NDP: variants seen among roughly 807,000 people sequenced by gnomAD.
NDP encodes the protein norrin.
In NDP, 2 loss-of-function variants were observed where a neutral mutation model predicts 8.4. The observed-to-expected ratio is 0.24, with a 90% CI of 0.10 to 0.75. The LOEUF is 0.75. Ranked by LOEUF, NDP falls within the 30% of genes least tolerant of loss-of-function variation. NDP has a pLI of 0.73. For synonymous variants in NDP, 55 were observed against 45.6 expected (o/e 1.21, Z -0.83); for missense variants, 81 against 110.1 (o/e 0.74, Z 1.18).
chrX:43,965,810 A>G (rs2147212961), intron 1 of NDP, among the ~76,000 whole-genome samples: 1 of 111,910 alleles, frequency 8.9e-6, no homozygotes, highest in South Asian at 3.8e-4. Context: ...CTTGGGGTCA[A>G]GAGCGAGGCC....
intron 1 of NDP, among the ~76,000 whole-genome samples, chrX:43,971,886 A>C (rs1263954340): frequency 1.8e-5 from 2 of 112,011 alleles, no homozygotes; most frequent in Admixed American, 9.5e-5. Flanking sequence ...TTTGCAATGA[A>C]AACTGGCAAA....
intron 1 of NDP, among the ~76,000 whole-genome samples, chrX:43,972,223 A>G (rs780697982): frequency 9.0e-6 from 1 of 111,699 alleles, no homozygotes; most frequent in South Asian, 3.8e-4. Flanking sequence ...ATCTTGCCAA[A>G]TAGCTTCCTT....
rs770180651 is a variant in NDP at position 43,960,983 on chromosome X, T to C, written c.-207-2131A>G. 4.5e-5 allele frequency: 5 copies of C among 112,229 alleles called. No homozygotes were observed. The East Asian group carries it at 8.4e-4, about 19-fold the overall frequency. The allele number at this position is 112,229 out of a possible 1,213,427, so 9.2% of individuals were successfully genotyped here. The stretch of plus-strand genomic sequence containing the variant: ...TACATCAATAACAAAACCCTATACA[T>C]GTGTATGCATCGTTGTATTTATTGG... On this transcript the variant is annotated intron_variant, in intron 1 of 2. Coordinates refer to ENST00000642620, the MANE Select transcript of NDP (RefSeq NM_000266.4).
intron 1 of NDP, among the ~76,000 whole-genome samples, chrX:43,962,636 G>A (rs920594343): frequency 1.8e-5 from 2 of 111,595 alleles, no homozygotes; most frequent in Non-Finnish European, 3.8e-5. Flanking sequence ...TAGAACCTTG[G>A]CCCAGGCAAT....
At chrX:43,955,635 C>A (rs1465839945) in intron 2 of NDP, among the ~76,000 whole-genome samples, 1 of 112,466 alleles carries the variant, frequency 8.9e-6, no homozygotes, top group Non-Finnish European at 1.9e-5. Flanking sequence ...ACCTGCTACT[C>A]CCAGGATCTT....
intron 2 of NDP, among the ~76,000 whole-genome samples, chrX:43,954,886 C>T (rs2035783624): frequency 9.0e-6 from 1 of 111,272 alleles, no homozygotes; most frequent in Admixed American, 9.5e-5. Context: ...GGGCCAGCAT[C>T]CCCCACTCCT....
intron 1 of NDP, among the ~76,000 whole-genome samples, chrX:43,972,902 C>T (rs1219981032): frequency 8.9e-6 from 1 of 112,722 alleles, no homozygotes; most frequent in East Asian, 2.8e-4. Context: ...GTTAATAGTG[C>T]CCCCATTGTA....
rs1006878005 is a variant in NDP, at chrX:43,949,481, A to G, written c.*318T>C. 2.3e-5 allele frequency: 7 copies of G among 308,160 alleles called. No homozygotes were observed. Among genetic ancestry groups the G allele is most frequent in the Non-Finnish European group, 4.1e-5 (7 of 172,310 alleles). The allele number at this position is 308,160 out of a possible 1,213,427, so 25.4% of individuals were successfully genotyped here. A position where few individuals can be genotyped will look rare whatever the true frequency, so the allele number is the denominator to read the frequency against. Reference sequence around the variant, plus strand: ...CACTGACAGCCTGACACGCTTGTGTATGAGGGCCCACTTTTTCCCACTAAT... The same window carrying G: ...CACTGACAGCCTGACACGCTTGTGTGTGAGGGCCCACTTTTTCCCACTAAT... On this transcript the variant is annotated 3_prime_UTR_variant, in exon 3 of 3. Transcript: ENST00000642620.
intron 2 of NDP, 69 bp downstream of exon 2, chrX:43,958,403 T>C (rs1569245579): frequency 1.7e-6 from 2 of 1,145,808 alleles, no homozygotes; most frequent in East Asian, 3.0e-5. Context: ...CTCCATCCCC[T>C]GACAAAGAAA....
Position 43,949,748 on chromosome X carries a change from C to G in NDP, c.*51G>C, listed in dbSNP as rs1330676196. On this transcript the variant is annotated 3_prime_UTR_variant, in exon 3 of 3. Transcript: ENST00000642620. ...TCTTGCCAGTCTTTCCCTGGCTGGT[C>G]GAACTGCCTCTACAGTTGTCCCATC... 9.1e-7 allele frequency: 1 copy of G among 1,104,223 alleles called. No homozygotes were observed. Among genetic ancestry groups the G allele is most frequent in the African/African-American group, 1.8e-5 (1 of 54,452 alleles). 91.0% of individuals were successfully genotyped at this position (1,104,223 alleles called of 1,213,427 possible). A position where few individuals can be genotyped will look rare whatever the true frequency, so the allele number is the denominator to read the frequency against.
At chrX:43,950,645 T>C (rs2035756212) in intron 2 of NDP, among the ~76,000 whole-genome samples, 1 of 111,023 alleles carries the variant, frequency 9.0e-6, no homozygotes, top group Non-Finnish European at 1.9e-5. Context: ...ATCACACTTC[T>C]GGGTTTATAT....
intron 2 of NDP, among the ~76,000 whole-genome samples, chrX:43,951,556 T>C (rs1400817450): frequency 8.9e-6 from 1 of 112,438 alleles, no homozygotes; most frequent in Admixed American, 9.4e-5. Flanking sequence ...CTTACAATAT[T>C]GTAGGAATTC....
chrX:43,959,045 T>G (rs986793135), intron 1 of NDP, among the ~76,000 whole-genome samples, 193 bp from the exon 2 acceptor site: 1 of 112,294 alleles, frequency 8.9e-6, no homozygotes, highest in African/African-American at 3.2e-5. Flanking sequence ...TATAACCATT[T>G]GGAGGTGGAC....
At chrX:43,967,306 C>A (rs936660125) in intron 1 of NDP, among the ~76,000 whole-genome samples, 1 of 111,219 alleles carries the variant, frequency 9.0e-6, no homozygotes, top group African/African-American at 3.3e-5. Context: ...ATGCAATGAG[C>A]CCTAAAATAT....
chrX:43,970,318 A>C (rs1474568171), intron 1 of NDP, among the ~76,000 whole-genome samples: 1 of 111,774 alleles, frequency 8.9e-6, no homozygotes, highest in East Asian at 2.8e-4. Context: ...GGCCTAGTGC[A>C]GAGGGCCTGG....
chrX:43,952,459 C>T (rs748275699), intron 2 of NDP, among the ~76,000 whole-genome samples: 5 of 111,897 alleles, frequency 4.5e-5, no homozygotes, highest in Admixed American at 9.5e-5. Context: ...TCTGTGCCAA[C>T]GAACTTAACT....
At chrX:43,956,780 C>T (rs937140744) in intron 2 of NDP, among the ~76,000 whole-genome samples, 5 of 112,058 alleles carry the variant, frequency 4.5e-5, no homozygotes, top group African/African-American at 1.6e-4. Context: ...CACAATTTTG[C>T]GCTGTTATTT....
chrX:43,963,951 C>T (rs779649198), intron 1 of NDP, among the ~76,000 whole-genome samples: 82 of 112,607 alleles, frequency 7.3e-4, no homozygotes, highest in African/African-American at 2.5e-3. Flanking sequence ...GCTGCTAGGC[C>T]TCCAGCCTGC....
At chrX:43,951,292 G>A (rs1489790076) in intron 2 of NDP, among the ~76,000 whole-genome samples, 2 of 109,667 alleles carry the variant, frequency 1.8e-5, no homozygotes, top group Non-Finnish European at 3.8e-5. Flanking sequence ...ATGTGCACCT[G>A]TAGTCCCAGC....
Sources: gnomAD v4.1 joint callset for allele counts (sites outside exome capture counted in the v4.1 genomes callset) on GRCh38, gnomAD v4.1.1 for gene constraint, MANE v1.5 for transcripts, NCBI Gene and HGNC (gene_info 2026-07-23, HGNC 2026-07-21) for gene names.